Variants in C1orf198 observed in about 807,000 individuals in gnomAD.
C1orf198 encodes uncharacterized protein C1orf198.
A neutral mutation model predicts 31.4 loss-of-function variants in C1orf198; 17 were observed. The ratio of observed to expected loss-of-function variants is 0.54; its 90% confidence interval spans 0.37 to 0.81. C1orf198 has a LOEUF of 0.81. C1orf198 is among the 40% of genes least tolerant of loss of function. The pLI, the probability that C1orf198 is intolerant of heterozygous loss-of-function variation, is 0.00. For missense variants in C1orf198, 401 were observed against 450.3 expected, an observed-to-expected ratio of 0.89 and a Z score of 0.99; for synonymous variants, 175 against 193.8, an observed-to-expected ratio of 0.90 and a Z score of 0.81.
chr1:230,851,848 A>G (rs1255681553), intron 2 of C1orf198, among the ~76,000 whole-genome samples: 1 of 152,246 alleles, frequency 6.6e-6, no homozygotes. Flanking sequence ...GGGGGCAGCG[A>G]CCACAGGTCC....
Position 230,839,793 on chromosome 1 carries a change from T to A in C1orf198, c.*59A>T. 2.0e-6 allele frequency: 3 copies of A among 1,496,350 alleles called. No individual in the cohort carries two copies. Among genetic ancestry groups the A allele is most frequent in the Non-Finnish European group, 2.8e-6 (3 of 1,085,252 alleles). The allele number at this position is 1,496,350 out of a possible 1,614,324, so 92.7% of individuals were successfully genotyped here. A position where few individuals can be genotyped will look rare whatever the true frequency, so the allele number is the denominator to read the frequency against. ...GAAAAGGTGGCCCTTTTTATCCTCCTCCACCACACCACTTTGGAAAACATT... is the reference window on the plus strand; with the variant it reads ...GAAAAGGTGGCCCTTTTTATCCTCCACCACCACACCACTTTGGAAAACATT... On this transcript the variant is annotated 3_prime_UTR_variant, in exon 4 of 4. Transcript: ENST00000366663.
rs1191717269 is a variant in C1orf198 at position 230,846,910 on chromosome 1, C to T, written c.385-3014G>A. 2.1e-3 allele frequency among the ~76,000 whole-genome samples: 317 copies of T among 151,494 alleles called. 1 individual carries two copies. The highest frequency in any genetic ancestry group is 0.01 in the Middle Eastern group (3 of 292). Reference sequence around the variant, plus strand: ...CGAGGTCAGGAGATCGAGACCATCCCGGCTAAAACGGTGAAACCCCGTCTC... The same window carrying T: ...CGAGGTCAGGAGATCGAGACCATCCTGGCTAAAACGGTGAAACCCCGTCTC... On this transcript the variant is annotated intron_variant, in intron 2 of 3. Transcript: ENST00000366663.
chr1:230,858,288 C>G (rs1366598452), intron 1 of C1orf198, among the ~76,000 whole-genome samples: 1 of 152,114 alleles, frequency 6.6e-6, no homozygotes, highest in Non-Finnish European at 1.5e-5. Context: ...TAGAAGCAAT[C>G]AAACCAAGAA....
intron 1 of C1orf198, among the ~76,000 whole-genome samples, chr1:230,861,146 C>T (rs1358111314): frequency 2.0e-5 from 3 of 152,222 alleles, no homozygotes; most frequent in East Asian, 1.9e-4. Flanking sequence ...ACCATCATGG[C>T]GTATACCTCC....
intron 1 of C1orf198, 144 bp downstream of exon 1, chr1:230,868,036 T>TACCCCCCCCCCCCCC: frequency 1.2e-6 from 1 of 861,460 alleles, no homozygotes; most frequent in Non-Finnish European, 1.6e-6. Flanking sequence ...GCTCTGGGGC[T>TACCCCCCCCCCCCCC]CCCCTCCCAC....
chr1:230,868,100 A>G lies in C1orf198; in HGVS notation c.333+80T>C. ...AGCCCCTACCAGCTGGGGCGGCCTC[A>G]CGCCGGCAGGTGCCCACCGGGCCGG... On this transcript the variant is annotated intron_variant, in intron 1 of 3. Transcript: ENST00000366663. 6.2e-6 allele frequency: 8 copies of G among 1,280,236 alleles called. 1 individual carries two copies. Among genetic ancestry groups the G allele is most frequent in the Non-Finnish European group, 7.9e-6 (8 of 1,006,954 alleles). The allele number at this position is 1,280,236 out of a possible 1,614,324, so 79.3% of individuals were successfully genotyped here.
At chr1:230,849,399 T>C (rs1428146234) in intron 2 of C1orf198, among the ~76,000 whole-genome samples, 1 of 152,170 alleles carries the variant, frequency 6.6e-6, no homozygotes, top group East Asian at 1.9e-4. Flanking sequence ...AGTGGTCTTC[T>C]ATAGTCTTTG....
intron 2 of C1orf198, among the ~76,000 whole-genome samples, chr1:230,851,602 C>T (rs1304504984): frequency 2.0e-5 from 3 of 152,184 alleles, no homozygotes; most frequent in Non-Finnish European, 2.9e-5. Flanking sequence ...TCCCCTGGCA[C>T]GCCTGCCAAG....
At chr1:230,868,081 T>A in intron 1 of C1orf198, 99 bp downstream of exon 1, 20 of 1,080,802 alleles carry the variant, frequency 1.9e-5, no homozygotes, top group African/African-American at 5.0e-5. Context: ...TTCCAGCCCC[T>A]ACCAGCTGGG....
chr1:230,851,953 A>C (rs559873579), intron 2 of C1orf198, among the ~76,000 whole-genome samples: 1 of 152,294 alleles, frequency 6.6e-6, no homozygotes, highest in African/African-American at 2.4e-5. Context: ...TGGGTGAGAA[A>C]CCAAAAATCC....
chr1:230,861,514 G>A (rs371504112), intron 1 of C1orf198, among the ~76,000 whole-genome samples: 314 of 152,282 alleles, frequency 2.1e-3, no homozygotes, highest in African/African-American at 7.1e-3. Context: ...ACCATATAGC[G>A]CGGTGCCCAG....
rs1572136503 is a variant in C1orf198 at position 230,857,002 on chromosome 1, G to A, written c.334-1284C>T. ...CCTAGCTTAGCCTCAGACACTGGGG[G>A]CAAATGCCAGGGCCCACGCAGGGGG... On this transcript the variant is annotated intron_variant, in intron 1 of 3. Coordinates refer to ENST00000366663, the MANE Select transcript of C1orf198 (RefSeq NM_032800.3). This position sits in a 1 kb window ranked among gnomAD's most constrained non-coding sequence, Gnocchi z 4.2. Among the ~76,000 whole-genome samples the A allele has an allele frequency of 6.6e-6, 1 of 152,178 alleles. No homozygotes were observed. Among genetic ancestry groups the A allele is most frequent in the Admixed American group, 6.5e-5 (1 of 15,288 alleles).
rs1029006266 is a variant in C1orf198, at chr1:230,857,651, G to C, written c.334-1933C>G. ...TAAAGAGCAAGGAAAACCCAGAGAG[G>C]AGACTGTCAAAAGGCCAGAATCCAG... On this transcript the variant is annotated intron_variant, in intron 1 of 3. Coordinates refer to ENST00000366663, the MANE Select transcript of C1orf198 (RefSeq NM_032800.3). The surrounding 1 kb of genome is among the most constrained non-coding windows in gnomAD (Gnocchi z 4.2). Among the ~76,000 whole-genome samples the C allele has an allele frequency of 4.6e-5, 7 of 152,166 alleles. No individual in the cohort carries two copies. Among genetic ancestry groups the C allele is most frequent in the Admixed American group, 4.6e-4 (7 of 15,282 alleles).
rs1295579438 is a variant in C1orf198 at position 230,843,737 on chromosome 1, T to C, written c.544A>G (p.Thr182Ala). 1 of 1,613,956 alleles carries C rather than the reference T, an allele frequency of 6.2e-7. No individual in the cohort carries two copies. Among genetic ancestry groups the C allele is most frequent in the Non-Finnish European group, 8.5e-7 (1 of 1,180,000 alleles). The change falls in exon 3 of 4, where the codon ACC becomes GCC. Residue 182 changes from threonine (T) to alanine (A), a missense_variant. Physicochemically the swap from Thr to Ala is moderately conservative, Grantham distance 58. Coordinates refer to ENST00000366663, the MANE Select transcript of C1orf198 (RefSeq NM_032800.3). The surrounding 1 kb of genome is among the most constrained non-coding windows in gnomAD (Gnocchi z 4.9). ...RSSSLDALGPTRKEEEASFWK... is the reference protein window; with the variant it reads ...RSSSLDALGPARKEEEASFWK... ...AATGACGCTTCCTCCTCCTTCCTGG[T>C]GGGGCCCAGGGCGTCCAGGCTGGAG... is the stretch of plus-strand genomic sequence containing the variant.
chr1:230,868,156 G>GTCCGCGGCCAGGCCCGCACCT (rs1670164104), intron 1 of C1orf198, 24 bp downstream of exon 1: 1 of 1,411,824 alleles, frequency 7.1e-7, no homozygotes, highest in African/African-American at 1.5e-5. Flanking sequence ...GGGGAAGAGG[G>GTCCGCGGCCAGGCCCGCACCT]TCCGCGGCCA....
intron 1 of C1orf198, among the ~76,000 whole-genome samples, chr1:230,860,428 T>C (rs982626617): frequency 6.6e-6 from 1 of 152,186 alleles, no homozygotes; most frequent in Non-Finnish European, 1.5e-5. Flanking sequence ...GCTGTGCCAT[T>C]CACAATAGCC....
At chr1:230,846,690 C>T (rs1278666445) in intron 2 of C1orf198, among the ~76,000 whole-genome samples, 1 of 152,244 alleles carries the variant, frequency 6.6e-6, no homozygotes, top group East Asian at 1.9e-4. Context: ...GGGCTGGACG[C>T]GGTGGCTCAC....
At chr1:230,868,553 C>G, upstream of C1orf198, 1 of 1,212,926 alleles carries the variant, frequency 8.2e-7, no homozygotes, top group Non-Finnish European at 1.0e-6. Context: ...CCCCGCCCCT[C>G]GCTGTGCCCG....
Position 230,838,218 on chromosome 1 carries a change from C to T in C1orf198, c.*1634G>A, listed in dbSNP as rs1338528102. The T allele has an allele frequency of 6.6e-6, 1 of 152,224 alleles. No individual in the cohort carries two copies. Among genetic ancestry groups the T allele is most frequent in the Non-Finnish European group, 1.5e-5 (1 of 68,050 alleles). The allele number at this position is 152,224 out of a possible 1,614,324, so 9.4% of individuals were successfully genotyped here. A position where few individuals can be genotyped will look rare whatever the true frequency, so the allele number is the denominator to read the frequency against. On this transcript the variant is annotated 3_prime_UTR_variant, in exon 4 of 4. Transcript: ENST00000366663. This position sits in a 1 kb window ranked among gnomAD's most constrained non-coding sequence, Gnocchi z 4.2. ...TTTTTCCCTCACCACCATGCTGAAACCTTTTTTTGCCTCACATATATCAAC... is the reference window on the plus strand; with the variant it reads ...TTTTTCCCTCACCACCATGCTGAAATCTTTTTTTGCCTCACATATATCAAC...
Sources: gnomAD v4.1 joint callset for allele counts (sites outside exome capture counted in the v4.1 genomes callset) on GRCh38, gnomAD v4.1.1 for gene constraint, Gnocchi (gnomAD v3.1) non-coding constraint, MANE v1.5 for transcripts, NCBI Gene and HGNC (gene_info 2026-07-23, HGNC 2026-07-21) for gene names.